The following CDK6 variants were observed in gnomAD, a reference collection of about 807,000 sequenced individuals.
The protein encoded by CDK6 is cyclin-dependent kinase 6.
In CDK6, 6 loss-of-function variants were observed where a neutral mutation model predicts 37.1. The ratio of observed to expected loss-of-function variants is 0.16; its 90% confidence interval spans 0.09 to 0.32. CDK6 has a LOEUF of 0.32. Among genes scored for constraint, CDK6 ranks in the 10% least tolerant of loss-of-function variants. The pLI is 1.00. For synonymous variants in CDK6, 160 were observed against 161.3 expected, an observed-to-expected ratio of 0.99 and a Z score of 0.06; for missense variants, 224 against 418.9, an observed-to-expected ratio of 0.53 and a Z score of 4.06.
chr7:92,774,938 A>G, intron 2 of CDK6, 107 bp from the exon 3 acceptor site: 1 of 953,792 alleles, frequency 1.0e-6, no homozygotes, highest in Non-Finnish European at 1.5e-6. Flanking sequence ...AAAAAAGGCC[A>G]GTGTTGATCA....
In CDK6 at chr7:92,834,488, G is replaced by A. The variant is rs533116499; in HGVS notation, c.-367-798C>T. ...TGGGGCTTATCGGGGGTGGGCGAGC[G>A]AGCGGTCCTGGGGGAGGGGAGACAC... On this transcript the variant is annotated intron_variant, in intron 1 of 7. Coordinates refer to ENST00000424848, the MANE Select transcript of CDK6 (RefSeq NM_001145306.2). This position sits in a 1 kb window ranked among gnomAD's most constrained non-coding sequence, Gnocchi z 4.6. Among the ~76,000 whole-genome samples the A allele has an allele frequency of 2.0e-5, 3 of 150,304 alleles. No individual in the cohort carries two copies. Among genetic ancestry groups the A allele is most frequent in the African/African-American group, 7.4e-5 (3 of 40,778 alleles).
chr7:92,783,833 A>T (rs1185851007), intron 2 of CDK6, among the ~76,000 whole-genome samples: 1 of 152,358 alleles, frequency 6.6e-6, no homozygotes, highest in Middle Eastern at 3.4e-3. Flanking sequence ...CAAGCTATTT[A>T]GGATGGCTTA....
At chr7:92,647,814 C>T (rs772541473) in intron 5 of CDK6, among the ~76,000 whole-genome samples, 2 of 152,254 alleles carry the variant, frequency 1.3e-5, no homozygotes, top group Middle Eastern at 3.4e-3. Flanking sequence ...GTGTAGTGGA[C>T]GCAGGGGACA....
chr7:92,629,913 G>A (rs968947214), intron 5 of CDK6, among the ~76,000 whole-genome samples: 3 of 152,024 alleles, frequency 2.0e-5, no homozygotes, highest in Non-Finnish European at 2.9e-5. Context: ...ATGCACTCAC[G>A]TGGCTAGAGA....
chr7:92,665,201 TG>T (rs1796929145), intron 5 of CDK6, among the ~76,000 whole-genome samples: 1 of 152,164 alleles, frequency 6.6e-6, no homozygotes, highest in African/African-American at 2.4e-5. Flanking sequence ...AATAGATACC[TG>T]GGGAGTTAAT....
At chr7:92,680,380 C>T (rs1480408269) in intron 4 of CDK6, among the ~76,000 whole-genome samples, 10 of 130,892 alleles carry the variant, frequency 7.6e-5, no homozygotes, top group African/African-American at 2.1e-4. Flanking sequence ...TGCGGTGAGC[C>T]GAGATCACAC....
Position 92,671,475 on chromosome 7 carries a change from CG to C in CDK6, c.597del (p.Val200TrpfsTer29). On this transcript the variant is annotated frameshift_variant, in exon 5 of 8. Transcript: ENST00000424848. LOFTEE classifies it high-confidence loss of function. Reference protein sequence around the residue: ...EVLLQSSYATPVDLWSVGCIF... With the variant: ...EVLLQSSYATXVDLWSVGCIF... ...ATGCAGCCAACACTCCAGAGATCCACGGGGGTGGCGTAGCTGGACTGGAGCA... is the reference window on the plus strand; with the variant it reads ...ATGCAGCCAACACTCCAGAGATCCACGGGGTGGCGTAGCTGGACTGGAGCA... The C allele has an allele frequency of 6.3e-7, 1 of 1,581,354 alleles. No individual in the cohort carries two copies. Among genetic ancestry groups the C allele is most frequent in the Non-Finnish European group, 8.6e-7 (1 of 1,163,670 alleles).
At position 92,738,759 on chromosome 7, in the gene CDK6, T is replaced by C. The variant is rs572659665; in HGVS notation, c.370-12966A>G. Among the ~76,000 whole-genome samples the C allele has an allele frequency of 5.9e-5, 9 of 152,310 alleles. No homozygotes were observed. In the South Asian group the frequency reaches 1.7e-3, roughly 28 times the overall value. On this transcript the variant is annotated intron_variant, in intron 3 of 7. Coordinates refer to ENST00000424848, the MANE Select transcript of CDK6 (RefSeq NM_001145306.2). ...GAGTACAGGTATCCAAGTTTTTGCA[T>C]TGCAAATACAATTTATGTATTCAGT...
chr7:92,770,943 G>T (rs757391772), intron 3 of CDK6, among the ~76,000 whole-genome samples: 1 of 151,918 alleles, frequency 6.6e-6, no homozygotes, highest in Non-Finnish European at 1.5e-5. Flanking sequence ...TATATTTCAT[G>T]TTAAAATATC....
At chr7:92,690,083 G>T (rs532982071) in intron 4 of CDK6, among the ~76,000 whole-genome samples, 1 of 152,088 alleles carries the variant, frequency 6.6e-6, no homozygotes, top group East Asian at 1.9e-4. Flanking sequence ...TTACTCAAAA[G>T]AAACATGATA....
chr7:92,682,505 T>C (rs971223526), intron 4 of CDK6, among the ~76,000 whole-genome samples: 8 of 152,174 alleles, frequency 5.3e-5, no homozygotes, highest in East Asian at 1.9e-4. Flanking sequence ...AGCACTTACA[T>C]TGCATCTCAA....
intron 3 of CDK6, among the ~76,000 whole-genome samples, chr7:92,739,746 C>T (rs1404665580): frequency 6.6e-6 from 1 of 152,074 alleles, no homozygotes; most frequent in Non-Finnish European, 1.5e-5. Context: ...CTCCACTGCA[C>T]TAAGTGGTAT....
intron 4 of CDK6, among the ~76,000 whole-genome samples, chr7:92,695,282 A>AAAG (rs1554403914): frequency 1.8e-4 from 27 of 149,972 alleles, no homozygotes; most frequent in Non-Finnish European, 2.2e-4. Flanking sequence ...AAAAAAAAAA[A>AAAG]AAAGAAAGAA....
intron 2 of CDK6, 111 bp downstream of exon 2, chr7:92,832,980 A>G: frequency 4.1e-6 from 3 of 724,604 alleles, no homozygotes; most frequent in Admixed American, 2.5e-5. Context: ...GTCGCGCAGG[A>G]CCTCCCCAGT....
rs1801531912 is a variant in CDK6, at chr7:92,833,027, C to T, written c.233+64G>A. On this transcript the variant is annotated intron_variant, in intron 2 of 7. Transcript: ENST00000424848. The surrounding 1 kb of genome is among the most constrained non-coding windows in gnomAD (Gnocchi z 6.1). ...CCGCACCTTTCTGGGCCTGAGGATTCCCGGCTCGGCCCTCCCCGCGCGCGC... is the reference window on the plus strand; with the variant it reads ...CCGCACCTTTCTGGGCCTGAGGATTTCCGGCTCGGCCCTCCCCGCGCGCGC... The T allele has an allele frequency of 8.2e-7, 1 of 1,213,444 alleles. No homozygotes were observed. Among genetic ancestry groups the T allele is most frequent in the Non-Finnish European group, 1.2e-6 (1 of 860,948 alleles). The allele number at this position is 1,213,444 out of a possible 1,614,324, so 75.2% of individuals were successfully genotyped here. A position where few individuals can be genotyped will look rare whatever the true frequency, so the allele number is the denominator to read the frequency against.
chr7:92,756,443 C>G (rs1799320604), intron 3 of CDK6, among the ~76,000 whole-genome samples: 1 of 152,160 alleles, frequency 6.6e-6, no homozygotes, highest in Admixed American at 6.5e-5. Context: ...ACTTTTTCTT[C>G]TATTCAAAGT....
intron 4 of CDK6, among the ~76,000 whole-genome samples, chr7:92,695,419 T>G (rs969480741): frequency 6.6e-6 from 1 of 152,158 alleles, no homozygotes; most frequent in Non-Finnish European, 1.5e-5. Context: ...AAGGACAATA[T>G]TGCAAGTTAC....
chr7:92,792,497 T>A (rs1385417777), intron 2 of CDK6, among the ~76,000 whole-genome samples: 1 of 152,120 alleles, frequency 6.6e-6, no homozygotes, highest in Non-Finnish European at 1.5e-5. Context: ...TTTTTCTGAA[T>A]CAAAATATAT....
At chr7:92,824,382 A>T (rs1318325298) in intron 2 of CDK6, among the ~76,000 whole-genome samples, 1 of 152,112 alleles carries the variant, frequency 6.6e-6, no homozygotes, top group Non-Finnish European at 1.5e-5. Flanking sequence ...AGAAAGAACA[A>T]GCAAAGAATC....
Sources: allele counts gnomAD v4.1 joint callset (sites outside exome capture counted in the v4.1 genomes callset), GRCh38; gene constraint gnomAD v4.1.1; non-coding constraint Gnocchi (gnomAD v3.1); transcripts MANE v1.5; gene names NCBI Gene and HGNC (gene_info 2026-07-23, HGNC 2026-07-21).